The following GPR89B variants were observed in gnomAD, a reference collection of about 807,000 sequenced individuals.
The protein encoded by GPR89B is G protein-coupled receptor 89B.
Under a neutral mutation model 52.4 loss-of-function variants are expected in GPR89B, and 25 were observed. The observed-to-expected ratio is 0.48, with a 90% confidence interval of 0.35 to 0.67. The LOEUF (loss-of-function observed/expected upper bound fraction) is 0.67. Ranked by LOEUF, GPR89B falls within the 30% of genes least tolerant of loss-of-function variation. GPR89B has a pLI of 0.01. For synonymous variants in GPR89B, 52 were observed against 151.2 expected, an observed-to-expected ratio of 0.34 and a Z score of 4.81; for missense variants, 146 against 450.2, an observed-to-expected ratio of 0.32 and a Z score of 6.11.
At chr1:148,021,664 G>A in the GPR89B span, among the ~76,000 whole-genome samples, 1 of 151,754 alleles carries the variant, frequency 6.6e-6, no homozygotes, top group African/African-American at 2.4e-5. Flanking sequence ...GGTGGTCTCG[G>A]CAAAATGAAG....
downstream of GPR89B, chr1:147,995,544 G>C: frequency 6.3e-7 from 1 of 1,578,206 alleles, no homozygotes; most frequent in South Asian, 1.1e-5. Context: ...CATAGGGACT[G>C]TACCCATACT....
the GPR89B span, chr1:148,009,700 C>A: frequency 5.7e-6 from 4 of 697,440 alleles, no homozygotes; most frequent in Non-Finnish European, 9.7e-6. Flanking sequence ...TGCTAGTTGA[C>A]CCTTGACACC....
intron 8 of GPR89B, 173 bp from the exon 9 acceptor site, chr1:147,968,702 G>A (rs1329482027): frequency 8.9e-5 from 75 of 844,036 alleles, no homozygotes; most frequent in Non-Finnish European, 1.3e-4. Flanking sequence ...ACACACCTGC[G>A]TCAGAGGTTG....
chr1:147,983,517 G>A (rs1217350930), intron 10 of GPR89B, among the ~76,000 whole-genome samples: 1 of 152,108 alleles, frequency 6.6e-6, no homozygotes, highest in Non-Finnish European at 1.5e-5. Context: ...GTTGGCGAAG[G>A]ACATGAACAG....
chr1:147,962,172 C>G (rs1656627626), intron 7 of GPR89B, among the ~76,000 whole-genome samples: 1 of 151,540 alleles, frequency 6.6e-6, no homozygotes, highest in Admixed American at 6.6e-5. Context: ...GTCTGTAATC[C>G]CAGCACTTTG....
At chr1:147,930,124 A>G (rs1653439565) in intron 1 of GPR89B, among the ~76,000 whole-genome samples, 2 of 152,228 alleles carry the variant, frequency 1.3e-5, no homozygotes, top group South Asian at 4.1e-4. Context: ...TGGCTTTCTA[A>G]TTTTGTATGC....
the GPR89B span, among the ~76,000 whole-genome samples, chr1:148,021,099 G>A: frequency 6.6e-6 from 1 of 152,114 alleles, no homozygotes; most frequent in South Asian, 2.1e-4. Context: ...GACTTTTATC[G>A]TCTCTGCTGT....
rs1340442295 is a variant in GPR89B, at chr1:147,940,831, C to A, written c.206+2014C>A. The stretch of plus-strand genomic sequence containing the variant: ...TTTACTGTTTTTGGTAGATGATGTC[C>A]CCCAACTTTTAACTTATAGTTAATA... On this transcript the variant is annotated intron_variant, in intron 3 of 13. Transcript: ENST00000314163. Among the ~76,000 whole-genome samples, 22 of 150,328 alleles carry A rather than the reference C, an allele frequency of 1.5e-4. 1 individual carries two copies. The highest frequency in any genetic ancestry group is 1.3e-3 in the South Asian group (6 of 4,646).
At chr1:147,977,023 AG>A (rs1657882542) in intron 10 of GPR89B, among the ~76,000 whole-genome samples, 1 of 151,608 alleles carries the variant, frequency 6.6e-6, no homozygotes, top group African/African-American at 2.4e-5. Flanking sequence ...TCACGAGGTC[AG>A]AAGATCGAGA....
chr1:147,979,702 C>G (rs1658093632), intron 10 of GPR89B, among the ~76,000 whole-genome samples: 1 of 151,802 alleles, frequency 6.6e-6, no homozygotes, highest in Non-Finnish European at 1.5e-5. Context: ...GAATATTAAA[C>G]CAATCTTGCA....
At chr1:147,958,646 A>C (rs1280401658) in intron 7 of GPR89B, among the ~76,000 whole-genome samples, 3 of 151,880 alleles carry the variant, frequency 2.0e-5, no homozygotes, top group Admixed American at 6.6e-5. Context: ...CTCAAAAAAA[A>C]AAAAAAGTGA....
chr1:147,969,827 A>G, intron 9 of GPR89B, 40 bp from the exon 10 acceptor site: 1 of 1,415,134 alleles, frequency 7.1e-7, no homozygotes, highest in Non-Finnish European at 9.5e-7. Flanking sequence ...ATAAATTTAT[A>G]TTTTGCTGAA....
intron 12 of GPR89B, among the ~76,000 whole-genome samples, chr1:147,989,427 CT>C (rs1170851684): frequency 0.049 from 6,832 of 139,052 alleles, 189 homozygotes; most frequent in African/African-American, 0.074. Flanking sequence ...CAACTATTTT[CT>C]TTTTTTTTTT....
At chr1:147,939,660 A>G (rs1298565741) in intron 3 of GPR89B, among the ~76,000 whole-genome samples, 1 of 152,110 alleles carries the variant, frequency 6.6e-6, no homozygotes, top group African/African-American at 2.4e-5. Context: ...AAAAAGAAAA[A>G]CTTACTATAC....
chr1:147,939,456 C>A (rs1270351651), intron 3 of GPR89B, among the ~76,000 whole-genome samples: 1 of 152,170 alleles, frequency 6.6e-6, no homozygotes, highest in African/African-American at 2.4e-5. Flanking sequence ...GGTTCATCAA[C>A]TATGCTATGC....
intron 7 of GPR89B, among the ~76,000 whole-genome samples, chr1:147,955,557 C>T: frequency 6.6e-6 from 1 of 152,072 alleles, no homozygotes; most frequent in East Asian, 1.9e-4. Flanking sequence ...TCAGCATCCA[C>T]ACCAATGTTC....
chr1:147,950,119 C>T (rs1379278330), intron 5 of GPR89B, among the ~76,000 whole-genome samples: 4 of 151,344 alleles, frequency 2.6e-5, no homozygotes, highest in South Asian at 2.1e-4. Context: ...CGGGCAGAGA[C>T]GCTCCTCACT....
chr1:147,955,613 G>A (rs1424801923), intron 7 of GPR89B, among the ~76,000 whole-genome samples: 1 of 151,986 alleles, frequency 6.6e-6, no homozygotes, highest in Non-Finnish European at 1.5e-5. Flanking sequence ...CAGGTATGAG[G>A]TGATATCTCA....
chr1:147,936,870 C>G (rs1191743389), intron 2 of GPR89B, among the ~76,000 whole-genome samples, 184 bp downstream of exon 2: 1 of 151,868 alleles, frequency 6.6e-6, no homozygotes, highest in African/African-American at 2.4e-5. Context: ...GGAAAAAAGG[C>G]AAATCAAATA....
Sources: gnomAD v4.1 joint callset for allele counts (sites outside exome capture counted in the v4.1 genomes callset) on GRCh38, gnomAD v4.1.1 for gene constraint, MANE v1.5 for transcripts, NCBI Gene and HGNC (gene_info 2026-07-23, HGNC 2026-07-21) for gene names.